The following STK31 variants were observed in gnomAD, a reference collection of about 807,000 sequenced individuals.
The protein encoded by STK31 is serine/threonine kinase 31.
A neutral mutation model predicts 129.7 loss-of-function variants in STK31; 89 were observed. That is an observed-to-expected ratio of 0.69 (90% CI 0.58 to 0.82). The LOEUF is 0.82. Among genes scored for constraint, STK31 ranks in the 40% least tolerant of loss-of-function variants. The pLI, the probability that STK31 is intolerant of heterozygous loss-of-function variation, is 0.00. For missense variants in STK31, 1,187 were observed against 1,176.4 expected, an observed-to-expected ratio of 1.01 and a Z score of -0.13; for synonymous variants, 448 against 395.3, an observed-to-expected ratio of 1.13 and a Z score of -1.58.
chr7:23,818,539 T>C (rs1317781890), intron 23 of STK31, among the ~76,000 whole-genome samples: 1 of 152,170 alleles, frequency 6.6e-6, no homozygotes, highest in Non-Finnish European at 1.5e-5. Context: ...AGTGCCTCAC[T>C]CATTTAACTA....
chr7:23,778,348 T>G (rs1790692614), intron 15 of STK31, among the ~76,000 whole-genome samples: 1 of 152,124 alleles, frequency 6.6e-6, no homozygotes, highest in Admixed American at 6.5e-5. Context: ...AGGTTTTTGG[T>G]GTTCTCTGTA....
chr7:23,812,838 GAT>G (rs1181063932), intron 22 of STK31, among the ~76,000 whole-genome samples: 1 of 152,076 alleles, frequency 6.6e-6, no homozygotes, highest in Non-Finnish European at 1.5e-5. Flanking sequence ...TGCTGCAAAA[GAT>G]ATGATTTTAT....
At chr7:23,729,626 T>C (rs141349398) in intron 6 of STK31, among the ~76,000 whole-genome samples, 2 of 151,242 alleles carry the variant, frequency 1.3e-5, no homozygotes, top group African/African-American at 4.8e-5. Flanking sequence ...TTCTTCTGCC[T>C]CAGCCTCCCG....
intron 9 of STK31, among the ~76,000 whole-genome samples, chr7:23,754,047 T>A (rs1788894820): frequency 6.6e-6 from 1 of 152,132 alleles, no homozygotes; most frequent in South Asian, 2.1e-4. Context: ...AAATTTTTAA[T>A]TTTTTCATAT....
At chr7:23,722,750 C>A (rs900673007) in intron 4 of STK31, 1 of 152,840 alleles carries the variant, frequency 6.5e-6, no homozygotes, top group African/African-American at 2.4e-5. Flanking sequence ...TCAAGCTTCC[C>A]GGTGGCTTTG....
At chr7:23,729,476 T>C (rs1335025438) in intron 6 of STK31, among the ~76,000 whole-genome samples, 1 of 151,860 alleles carries the variant, frequency 6.6e-6, no homozygotes, top group Non-Finnish European at 1.5e-5. Context: ...ATAGTTTCCT[T>C]CTGATGTAAA....
At chr7:23,801,430 C>T (rs10950964) in intron 22 of STK31, among the ~76,000 whole-genome samples, 91,888 of 151,930 alleles carry the variant, frequency 0.6, 28,317 homozygotes, top group African/African-American at 0.7. Flanking sequence ...TTCATAAATA[C>T]ATTCTAGATA....
chr7:23,822,931 C>A (rs1322599608), intron 23 of STK31, among the ~76,000 whole-genome samples: 1 of 152,182 alleles, frequency 6.6e-6, no homozygotes, highest in East Asian at 1.9e-4. Context: ...TGAACTCATC[C>A]TTTTTTATGG....
chr7:23,786,887 TG>T lies in STK31; in HGVS notation c.2451del (p.Asn818MetfsTer9). On this transcript the variant is annotated frameshift_variant, in exon 20 of 24. Coordinates refer to ENST00000355870, the MANE Select transcript of STK31 (RefSeq NM_031414.5). LOFTEE classifies it high-confidence loss of function. ...LMVPYYPRAN[L>X]NAVQANMPLN... The stretch of plus-strand genomic sequence containing the variant: ...GTCCCATACTACCCTAGGGCAAACC[TG>T]AATGCTGTTCAAGCCAACATGCCTT... 3 of 1,613,968 alleles carry T rather than the reference TG, an allele frequency of 1.9e-6. No individual in the cohort carries two copies. The highest frequency in any genetic ancestry group is 2.5e-6 in the Non-Finnish European group (3 of 1,179,922).
At chr7:23,770,932 CTATTGTTAT>C in intron 13 of STK31, 64 bp from the exon 14 acceptor site, 1 of 1,433,462 alleles carries the variant, frequency 7.0e-7, no homozygotes, top group Non-Finnish European at 9.3e-7. Context: ...TGAAGTTTAT[CTATTGTTAT>C]TGGAGGCCTT....
At chr7:23,720,430 C>G (rs980318147) in intron 4 of STK31, among the ~76,000 whole-genome samples, 1 of 152,160 alleles carries the variant, frequency 6.6e-6, no homozygotes, top group Non-Finnish European at 1.5e-5. Context: ...GTGGCCATCA[C>G]TCATGCTCTT....
intron 4 of STK31, chr7:23,722,435 C>G (rs1353162948): frequency 2.6e-5 from 4 of 153,692 alleles, no homozygotes; most frequent in African/African-American, 9.6e-5. Flanking sequence ...GCTGCCTGAT[C>G]GTTCTTCTGG....
intron 23 of STK31, among the ~76,000 whole-genome samples, chr7:23,825,068 T>C (rs2128131868): frequency 6.6e-6 from 1 of 152,096 alleles, no homozygotes; most frequent in South Asian, 2.1e-4. Flanking sequence ...TCTTTTTTGG[T>C]TGTGTCTCTG....
intron 23 of STK31, among the ~76,000 whole-genome samples, chr7:23,824,001 C>T (rs1478602693): frequency 6.6e-6 from 1 of 152,138 alleles, no homozygotes; most frequent in African/African-American, 2.4e-5. Context: ...GTTACTGTAG[C>T]CTTGTAGTAT....
Position 23,786,529 on chromosome 7 carries a change from A to G in STK31, c.2296A>G (p.Thr766Ala), listed in dbSNP as rs1469706882. 1.9e-6 allele frequency: 3 copies of G among 1,613,400 alleles called. No homozygotes were observed. Among genetic ancestry groups the G allele is most frequent in the Non-Finnish European group, 1.7e-6 (2 of 1,179,672 alleles). Residue 766 changes from threonine to alanine, a missense_variant, in exon 19 of 24, where the codon ACA (threonine) becomes GCA (alanine). By Grantham distance (58) the Thr-to-Ala change is moderately conservative (BLOSUM62 0). Coordinates refer to ENST00000355870, the MANE Select transcript of STK31 (RefSeq NM_031414.5). ...CAAGGGCTATTCTGTGGATGTTGAC[A>G]CAGAAGCCAAGGTGATTGAGAGAGC... ...LLKGYSVDVD[T>A]EAKVIERAAT...
intron 8 of STK31, among the ~76,000 whole-genome samples, chr7:23,746,916 T>C (rs1291353559): frequency 6.6e-6 from 1 of 152,108 alleles, no homozygotes; most frequent in Non-Finnish European, 1.5e-5. Context: ...TTAAACTTTT[T>C]ACTTTTTTTT....
intron 8 of STK31, among the ~76,000 whole-genome samples, chr7:23,746,586 G>A (rs1029613609): frequency 6.6e-6 from 1 of 152,226 alleles, no homozygotes; most frequent in Non-Finnish European, 1.5e-5. Context: ...TAACAAACAC[G>A]TTTTTGTGTG....
chr7:23,710,773 A>G, intron 1 of STK31: 1 of 1,020,810 alleles, frequency 9.8e-7, no homozygotes, highest in Non-Finnish European at 1.2e-6. Flanking sequence ...TAATCAGGGC[A>G]AGTCATTTTA....
rs914347276 is a variant in STK31, at chr7:23,832,463, A to G, written c.*97A>G. 1 of 842,366 alleles carries G rather than the reference A, an allele frequency of 1.2e-6. No individual in the cohort carries two copies. The allele number at this position is 842,366 out of a possible 1,614,324, so 52.2% of individuals were successfully genotyped here. On this transcript the variant is annotated 3_prime_UTR_variant, in exon 24 of 24. Coordinates refer to ENST00000355870, the MANE Select transcript of STK31 (RefSeq NM_031414.5). ...AATGTTCTGGGACTAGTTGAGTTGT[A>G]TCTTTAGTATTCAGGTTGTGAAAAA...
Sources: gnomAD v4.1 joint callset for allele counts (sites outside exome capture counted in the v4.1 genomes callset) on GRCh38, gnomAD v4.1.1 for gene constraint, MANE v1.5 for transcripts, NCBI Gene and HGNC (gene_info 2026-07-23, HGNC 2026-07-21) for gene names.